The following TERF2 variants were observed in gnomAD, a reference collection of about 807,000 sequenced individuals.
The protein encoded by TERF2 is telomeric repeat binding factor 2.
TERF2 carries 16 observed loss-of-function variants against 56.1 expected under a neutral mutation model. The ratio of observed to expected loss-of-function variants is 0.29; its 90% CI spans 0.19 to 0.43. TERF2 has a LOEUF of 0.43. Among genes scored for constraint, TERF2 ranks in the 20% least tolerant of loss-of-function variants. TERF2 has a pLI of 1.00. For synonymous variants in TERF2, 296 were observed against 282.1 expected, an observed-to-expected ratio of 1.05 and a Z score of -0.50; for missense variants, 547 against 712.9, an observed-to-expected ratio of 0.77 and a Z score of 2.65.
chr16:69,385,793 C>G lies in TERF2; in HGVS notation c.179G>C (p.Arg60Pro). Reference protein sequence around the residue: ...SDGSGRAAGRRASRSSGRARR... With the variant: ...SDGSGRAAGRPASRSSGRARR... ...GGCCCGCCCGCTACTGCGGGACGCCCGCCTGCCAGCTGCCCGCCCGCTGCC... is the reference window on the plus strand; with the variant it reads ...GGCCCGCCCGCTACTGCGGGACGCCGGCCTGCCAGCTGCCCGCCCGCTGCC... Residue 60 changes from arginine to proline, a missense_variant, in exon 1 of 10, where the codon CGG (arginine) becomes CCG (proline). By Grantham distance (103) the Arg-to-Pro change is moderately radical. Coordinates refer to ENST00000254942, the MANE Select transcript of TERF2 (RefSeq NM_005652.5). The G allele has an allele frequency of 7.7e-7, 1 of 1,294,764 alleles. No individual in the cohort carries two copies. The highest frequency in any genetic ancestry group is 9.8e-7 in the Non-Finnish European group (1 of 1,022,098). 80.2% of individuals were successfully genotyped at this position (1,294,764 alleles called of 1,614,324 possible).
In TERF2 at chr16:69,367,115, C is replaced by A. The variant is rs1567447259; in HGVS notation, c.1032G>T (p.Glu344Asp). The A allele has an allele frequency of 6.2e-7, 1 of 1,614,204 alleles. No individual in the cohort carries two copies. Among genetic ancestry groups the A allele is most frequent in the African/African-American group, 1.3e-5 (1 of 75,052 alleles). ...FKTLSGAQDS[E>D]AAFAKLDQKD... ...TCTGGTCCAGTTTTGCAAAGGCTGC[C>A]TCAGAATCCTGTGCACCAGACAGAG... Residue 344 changes from glutamate to aspartate, a missense_variant, in exon 7 of 10, where the codon GAG becomes GAT. Physicochemically the swap from Glu to Asp is conservative, Grantham distance 45. Transcript: ENST00000254942.
Position 69,385,330 on chromosome 16 carries a change from TAA to T in TERF2, c.475+59_475+60del, listed in dbSNP as rs888241222. 66 of 1,420,674 alleles carry T rather than the reference TAA, an allele frequency of 4.6e-5. No individual in the cohort carries two copies. In the Middle Eastern group the frequency reaches 1.2e-3, roughly 26 times the overall value. 88.0% of individuals were successfully genotyped at this position (1,420,674 alleles called of 1,614,324 possible). ...ACCTGGAATCCTTCAGTTCTAGATA[TAA>T]GTTTTAAAACAAAACCCTACGCAAG... On this transcript the variant is annotated intron_variant, in intron 2 of 9. Transcript: ENST00000254942.
At chr16:69,385,549 C>T (rs375759981) in intron 1 of TERF2, 44 bp downstream of exon 1, 9 of 1,556,730 alleles carry the variant, frequency 5.8e-6, no homozygotes, top group Non-Finnish European at 8.0e-6. Flanking sequence ...CCCCGGACCC[C>T]CTTCCCCGGC....
chr16:69,369,550 T>G (rs1012922234), intron 5 of TERF2, among the ~76,000 whole-genome samples: 9 of 152,026 alleles, frequency 5.9e-5, no homozygotes, highest in Non-Finnish European at 1.3e-4. Flanking sequence ...CTGCCTGCCT[T>G]GGCCTCCCAA....
chr16:69,385,898 G>A lies in TERF2; in HGVS notation c.74C>T (p.Pro25Leu), dbSNP rs749171225. The change falls in exon 1 of 10, where the codon CCG becomes CTG. Residue 25 changes from proline (P) to leucine (L), a missense_variant. By Grantham distance (98) the Pro-to-Leu change is moderately conservative. Transcript: ENST00000254942. ...GVVRDPAASQ[P>L]RKRPGREGGE... ...GCCCTCCCGGCCGGGCCGCTTCCTC[G>A]GCTGTGACGCCGCTGGGTCACGCAC... 1.7e-4 allele frequency: 233 copies of A among 1,377,118 alleles called. 1 individual carries two copies. Among genetic ancestry groups the A allele is most frequent in the Middle Eastern group, 1.6e-3 (6 of 3,766 alleles). 85.3% of individuals were successfully genotyped at this position (1,377,118 alleles called of 1,614,324 possible).
intron 9 of TERF2, 98 bp downstream of exon 9, chr16:69,357,420 A>G: frequency 1.0e-6 from 1 of 984,592 alleles, no homozygotes; most frequent in Admixed American, 2.5e-5. Flanking sequence ...AAAGGTTTTT[A>G]CTGGGTACAT....
At chr16:69,372,881 G>C (rs979078240) in intron 3 of TERF2, among the ~76,000 whole-genome samples, 3 of 152,116 alleles carry the variant, frequency 2.0e-5, no homozygotes, top group Non-Finnish European at 4.4e-5. Context: ...ATGGCTGATA[G>C]AGCAAAATCT....
At chr16:69,382,193 C>A (rs1337483442) in intron 3 of TERF2, among the ~76,000 whole-genome samples, 6 of 152,208 alleles carry the variant, frequency 3.9e-5, no homozygotes, top group Admixed American at 6.5e-5. Flanking sequence ...AGACCATGCA[C>A]TGAGGGTTCT....
In TERF2 at chr16:69,366,907, C is replaced by G; in HGVS notation, c.1240G>C (p.Glu414Gln). The G allele has an allele frequency of 6.2e-7, 1 of 1,614,180 alleles. No homozygotes were observed. The highest frequency in any genetic ancestry group is 2.2e-5 in the East Asian group (1 of 44,890). ...LVLEEDSQSTEPSAGLNSSQE... is the reference protein window; with the variant it reads ...LVLEEDSQSTQPSAGLNSSQE... Reference sequence around the variant, plus strand: ...GAGGAGTTGAGGCCTGCGCTGGGCTCAGTACTCTGGCTGTCCTCCTCCAAG... The same window carrying G: ...GAGGAGTTGAGGCCTGCGCTGGGCTGAGTACTCTGGCTGTCCTCCTCCAAG... Residue 414 changes from glutamate (E) to glutamine (Q), a missense_variant, in exon 7 of 10, where the codon GAG becomes CAG. Glu to Gln is a conservative substitution (Grantham distance 29). Around this residue, in one of 6 missense-constraint regions of TERF2, gnomAD observed 211 missense variants for 236.8 expected, o/e 0.89. Transcript: ENST00000254942.
intron 5 of TERF2, chr16:69,368,703 G>T: frequency 8.9e-7 from 1 of 1,118,636 alleles, no homozygotes; most frequent in Non-Finnish European, 1.2e-6. Context: ...TTGAGAGGGA[G>T]TCTTGCTCTG....
chr16:69,363,155 G>C (rs2013207461), intron 7 of TERF2, among the ~76,000 whole-genome samples: 5 of 152,100 alleles, frequency 3.3e-5, no homozygotes, highest in Admixed American at 2.6e-4. Flanking sequence ...TCCTTCTCAG[G>C]ATATTCTTGT....
Position 69,368,358 on chromosome 16 carries a change from A to G in TERF2, c.947+18T>C. 2 of 1,611,858 alleles carry G rather than the reference A, an allele frequency of 1.2e-6. No individual in the cohort carries two copies. The highest frequency in any genetic ancestry group is 1.7e-6 in the Non-Finnish European group (2 of 1,179,180). On this transcript the variant is annotated intron_variant, in intron 6 of 9. Transcript: ENST00000254942. Reference sequence around the variant, plus strand: ...ACCCTAGTGTTTTACCCAAGATCACAAGAGAGCATCTTTTTACCTTGCGGG... The same window carrying G: ...ACCCTAGTGTTTTACCCAAGATCACGAGAGAGCATCTTTTTACCTTGCGGG...
chr16:69,362,781 T>C (rs937328392), intron 7 of TERF2, among the ~76,000 whole-genome samples: 1 of 152,182 alleles, frequency 6.6e-6, no homozygotes, highest in Non-Finnish European at 1.5e-5. Flanking sequence ...TATAACATCT[T>C]TTACAAACAT....
chr16:69,373,203 G>C (rs764722508), intron 3 of TERF2, among the ~76,000 whole-genome samples: 7 of 152,044 alleles, frequency 4.6e-5, no homozygotes, highest in Non-Finnish European at 7.4e-5. Context: ...TTCAATTAAA[G>C]CACCTAGGGA....
Position 69,368,319 on chromosome 16 carries a change from T to C in TERF2, c.947+57A>G. 2.6e-6 allele frequency: 4 copies of C among 1,542,674 alleles called. No homozygotes were observed. In the South Asian group the frequency reaches 4.5e-5, roughly 17 times the overall value. On this transcript the variant is annotated intron_variant, in intron 6 of 9. Transcript: ENST00000254942. ...ACTGATCCTGGCCTAAGGAGGAGACTGCTTCCAGCGACCACCCTAGTGTTT... is the reference window on the plus strand; with the variant it reads ...ACTGATCCTGGCCTAAGGAGGAGACCGCTTCCAGCGACCACCCTAGTGTTT...
In TERF2 at chr16:69,361,593, G is replaced by A. The variant is rs1214898355; in HGVS notation, c.1341-104C>T. 23 of 815,228 alleles carry A rather than the reference G, an allele frequency of 2.8e-5. No homozygotes were observed. The East Asian group carries it at 2.9e-4, about 10-fold the overall frequency. 50.5% of individuals were successfully genotyped at this position (815,228 alleles called of 1,614,324 possible). A position where few individuals can be genotyped will look rare whatever the true frequency, so the allele number is the denominator to read the frequency against. On this transcript the variant is annotated intron_variant, in intron 7 of 9. Coordinates refer to ENST00000254942, the MANE Select transcript of TERF2 (RefSeq NM_005652.5). ...TTGGCCCTGTACTCCTTCCTGTCCC[G>A]TTGTGACCACAATCGAGGTTCGCCT...
At chr16:69,358,080 T>A (rs1010951691) in intron 8 of TERF2, among the ~76,000 whole-genome samples, 3 of 151,982 alleles carry the variant, frequency 2.0e-5, no homozygotes, top group Non-Finnish European at 4.4e-5. Context: ...TGGAGCGATC[T>A]CGGCTCACTG....
chr16:69,361,347 C>T, intron 8 of TERF2, 57 bp downstream of exon 8: 1 of 1,213,960 alleles, frequency 8.2e-7, no homozygotes, highest in South Asian at 1.2e-5. Flanking sequence ...ATGACAGTAA[C>T]ACGCATCTGT....
At chr16:69,370,054 G>A (rs375627468) in intron 5 of TERF2, among the ~76,000 whole-genome samples, 31 of 152,144 alleles carry the variant, frequency 2.0e-4, no homozygotes, top group South Asian at 8.3e-4. Context: ...TTTTTGAGAC[G>A]GAGTCTTGCT....
Sources: gnomAD v4.1 joint callset for allele counts (sites outside exome capture counted in the v4.1 genomes callset) on GRCh38, gnomAD v4.1.1 for gene constraint, gnomAD v4.1.1 regional missense constraint, MANE v1.5 for transcripts, NCBI Gene and HGNC (gene_info 2026-07-23, HGNC 2026-07-21) for gene names.